SEMA5B: variants seen among roughly 807,000 people sequenced by gnomAD.
SEMA5B encodes the protein semaphorin 5B, also known as semaphorin-5B.
Under a neutral mutation model 135.0 loss-of-function variants are expected in SEMA5B, and 66 were observed. The ratio of observed to expected loss-of-function variants is 0.49; its 90% CI spans 0.40 to 0.60. SEMA5B has a LOEUF of 0.60. SEMA5B is among the 20% of genes least tolerant of loss of function. The probability of loss-of-function intolerance (pLI) is 0.00; values close to 1 mark genes in which losing one functional copy is unlikely to be tolerated. For synonymous variants in SEMA5B, 690 were observed against 639.5 expected, an observed-to-expected ratio of 1.08 and a Z score of -1.19; for missense variants, 1,501 against 1,566.3, an observed-to-expected ratio of 0.96 and a Z score of 0.70.
chr3:122,922,003 G>A lies in SEMA5B; in HGVS notation c.1600C>T (p.Leu534=), dbSNP rs2107637628. ...ACGAAGAGCGCGCGGGCGCTGTGCA[G>A]GATGCGCAGGCTGCGCAGGGGCTCG... is the stretch of plus-strand genomic sequence containing the variant. ...RREPLRSLRI[L]HSARALFVGL... Residue 534 remains leucine, a synonymous_variant, in exon 12 of 23, where the codon CTG becomes TTG. Transcript: ENST00000357599. The A allele has an allele frequency of 6.5e-7, 1 of 1,530,504 alleles. No individual in the cohort carries two copies. 94.8% of individuals were successfully genotyped at this position (1,530,504 alleles called of 1,614,324 possible).
At chr3:123,014,129 A>C (rs1349017394) in intron 1 of SEMA5B, among the ~76,000 whole-genome samples, 1 of 152,188 alleles carries the variant, frequency 6.6e-6, no homozygotes, top group Non-Finnish European at 1.5e-5. Flanking sequence ...TCTCATGGGA[A>C]TCCTGACAGG....
intron 1 of SEMA5B, among the ~76,000 whole-genome samples, chr3:122,981,009 C>A (rs573497201): frequency 6.6e-6 from 1 of 152,210 alleles, no homozygotes; most frequent in Non-Finnish European, 1.5e-5. Context: ...TTTTAAAGCA[C>A]GTCACCAGGT....
chr3:123,003,269 T>C (rs1160567926), intron 1 of SEMA5B, among the ~76,000 whole-genome samples: 1 of 152,144 alleles, frequency 6.6e-6, no homozygotes, highest in African/African-American at 2.4e-5. Flanking sequence ...AGTAAAAAAG[T>C]GCCCCCACTA....
intron 4 of SEMA5B, among the ~76,000 whole-genome samples, chr3:122,943,117 A>G (rs13091691): frequency 0.15 from 22,122 of 152,202 alleles, 1,996 homozygotes; most frequent in East Asian, 0.35. Flanking sequence ...ATTGGCCCAG[A>G]AAACCATTCT....
At chr3:122,967,464 T>G (rs912123208) in intron 1 of SEMA5B, among the ~76,000 whole-genome samples, 2 of 152,202 alleles carry the variant, frequency 1.3e-5, no homozygotes, top group Admixed American at 6.5e-5. Flanking sequence ...CCAGACTGGC[T>G]GTTAATGGTT....
chr3:122,913,248 G>C lies in SEMA5B; in HGVS notation c.2457C>G (p.Thr819=), dbSNP rs759665487. ...CGTCCGCGGGACAGGTCCTCGTCTC[G>C]GTCCTTCTCCTGCCGAACTGCAGGC... ...PHGLQFGRRR[T]ETRTCPADGS... is the part of the protein sequence containing the mutation. Residue 819 remains threonine, a synonymous_variant, in exon 17 of 23, where the codon ACC becomes ACG. Coordinates refer to ENST00000357599, the MANE Select transcript of SEMA5B (RefSeq NM_001031702.4). The C allele has an allele frequency of 1.3e-6, 2 of 1,586,504 alleles. No homozygotes were observed. The highest frequency in any genetic ancestry group is 1.7e-6 in the Non-Finnish European group (2 of 1,175,022).
At chr3:123,010,174 G>T (rs1009202387) in intron 1 of SEMA5B, among the ~76,000 whole-genome samples, 3 of 152,152 alleles carry the variant, frequency 2.0e-5, no homozygotes, top group African/African-American at 7.2e-5. Context: ...TCAGGGCCAG[G>T]TCCTGACACC....
At chr3:122,964,602 G>C (rs780497365) in intron 1 of SEMA5B, among the ~76,000 whole-genome samples, 1 of 152,082 alleles carries the variant, frequency 6.6e-6, no homozygotes, top group African/African-American at 2.4e-5. Flanking sequence ...CTCTCCCACT[G>C]TTCCTTCTTT....
intron 2 of SEMA5B, among the ~76,000 whole-genome samples, chr3:122,950,251 A>C (rs1939983819): frequency 6.6e-6 from 1 of 152,268 alleles, no homozygotes; most frequent in Non-Finnish European, 1.5e-5. Flanking sequence ...TGGGTTTAGC[A>C]AAAATCCAAG....
intron 9 of SEMA5B, 37 bp downstream of exon 9, chr3:122,926,355 C>T (rs374621080): frequency 1.9e-6 from 3 of 1,582,944 alleles, no homozygotes; most frequent in African/African-American, 1.3e-5. Flanking sequence ...CAGCTCCTGA[C>T]ATCACAGGCA....
intron 1 of SEMA5B, among the ~76,000 whole-genome samples, chr3:122,995,394 C>T (rs16833750): frequency 0.06 from 9,154 of 152,214 alleles, 314 homozygotes; most frequent in South Asian, 0.14. Flanking sequence ...AGAAAACCCT[C>T]GATAACCACC....
chr3:123,004,871 A>G (rs1942267661), intron 1 of SEMA5B, among the ~76,000 whole-genome samples: 1 of 152,124 alleles, frequency 6.6e-6, no homozygotes, highest in Non-Finnish European at 1.5e-5. Flanking sequence ...GTGGGCCCAT[A>G]CTCAGTCTTT....
intron 1 of SEMA5B, among the ~76,000 whole-genome samples, chr3:122,964,764 C>G (rs1940747332): frequency 6.6e-6 from 1 of 152,076 alleles, no homozygotes; most frequent in South Asian, 2.1e-4. Context: ...AACTCAAGGC[C>G]CTCCAGAGAA....
At chr3:122,975,431 C>G (rs966993315) in intron 1 of SEMA5B, 1 of 153,638 alleles carries the variant, frequency 6.5e-6, no homozygotes, top group Non-Finnish European at 1.5e-5. Flanking sequence ...CCCACCACCC[C>G]CCTGCCTCGG....
chr3:122,959,632 A>G (rs1940486794), intron 2 of SEMA5B, among the ~76,000 whole-genome samples: 3 of 152,234 alleles, frequency 2.0e-5, no homozygotes, highest in Admixed American at 2.0e-4. Flanking sequence ...AAGTGTGAAC[A>G]TCGTGAGGGC....
chr3:122,938,569 T>C (rs1939409949), intron 5 of SEMA5B, among the ~76,000 whole-genome samples: 2 of 152,220 alleles, frequency 1.3e-5, no homozygotes, highest in Admixed American at 1.3e-4. Flanking sequence ...AGTTCTAACT[T>C]CTGATTAGGT....
chr3:122,943,527 G>T lies in SEMA5B; in HGVS notation c.337C>A (p.Pro113Thr). 6.2e-7 allele frequency: 1 copy of T among 1,607,212 alleles called. No homozygotes were observed. The highest frequency in any genetic ancestry group is 8.5e-7 in the Non-Finnish European group (1 of 1,177,538). The change falls in exon 4 of 23, where the codon CCG becomes ACG. Residue 113 changes from proline (P) to threonine (T), a missense_variant. Physicochemically the swap from Pro to Thr is conservative, Grantham distance 38. Around this residue, in one of 2 missense-constraint regions of SEMA5B, gnomAD observed 574 missense variants for 684.7 expected, o/e 0.84. Coordinates refer to ENST00000357599, the MANE Select transcript of SEMA5B (RefSeq NM_001031702.4). ...HPTVAFEDLQ[P>T]WVSNFTYPGA... The stretch of plus-strand genomic sequence containing the variant: ...GGGTAGGTGAAGTTAGAGACCCACG[G>T]CTGCAGGTCTGGTGGAGGGAGAGGC...
chr3:122,968,025 T>C (rs368073034), intron 1 of SEMA5B, among the ~76,000 whole-genome samples: 4 of 152,368 alleles, frequency 2.6e-5, no homozygotes, highest in African/African-American at 9.6e-5. Flanking sequence ...CACGCTCTCC[T>C]GACCTCCCCG....
At chr3:122,936,109 T>C (rs1197978464) in intron 5 of SEMA5B, among the ~76,000 whole-genome samples, 1 of 152,020 alleles carries the variant, frequency 6.6e-6, no homozygotes, top group African/African-American at 2.4e-5. Flanking sequence ...TTTAGTGGAG[T>C]TTTGTGAAGG....
Sources: gnomAD v4.1 joint callset for allele counts (sites outside exome capture counted in the v4.1 genomes callset) on GRCh38, gnomAD v4.1.1 for gene constraint, gnomAD v4.1.1 regional missense constraint, MANE v1.5 for transcripts, NCBI Gene and HGNC (gene_info 2026-07-23, HGNC 2026-07-21) for gene names.